The following SLC25A3 variants were observed in gnomAD, a reference collection of about 807,000 sequenced individuals.
SLC25A3 encodes the protein phosphate transport protein.
SLC25A3 carries 14 observed loss-of-function variants against 37.1 expected under a neutral mutation model. The ratio of observed to expected loss-of-function variants is 0.38; its 90% confidence interval spans 0.25 to 0.59. The LOEUF is 0.59. SLC25A3 is among the 20% of genes least tolerant of loss of function. The pLI, the probability that SLC25A3 is intolerant of heterozygous loss-of-function variation, is 0.67. For missense variants in SLC25A3, 385 were observed against 458.1 expected (o/e 0.84, Z 1.46); for synonymous variants, 161 against 168.7 (o/e 0.95, Z 0.36).
At chr12:98,598,158 T>A (rs2097594573) in intron 4 of SLC25A3, 123 bp downstream of exon 4, 2 of 932,040 alleles carry the variant, frequency 2.1e-6, no homozygotes, top group Admixed American at 4.1e-5. Context: ...GTGAGCAACT[T>A]GTTTTAAATC....
At chr12:98,599,656 C>T in intron 5 of SLC25A3, 1 of 578,830 alleles carries the variant, frequency 1.7e-6, no homozygotes. Context: ...TTAGATCCAC[C>T]TTTGTGGATG....
chr12:98,600,732 T>C (rs2097597198), intron 6 of SLC25A3, among the ~76,000 whole-genome samples: 1 of 152,166 alleles, frequency 6.6e-6, no homozygotes, highest in Non-Finnish European at 1.5e-5. Flanking sequence ...AAAGATGGGG[T>C]TTCACCATGT....
intron 2 of SLC25A3, chr12:98,595,382 A>C (rs2153283377): frequency 1.3e-6 from 2 of 1,599,942 alleles, no homozygotes; most frequent in Admixed American, 1.7e-5. Context: ...CAGTGGCCTT[A>C]GTCATCTCTG....
rs934008426 is a variant in SLC25A3, at chr12:98,602,564, C to T, written c.*1036C>T. 2.6e-5 allele frequency: 4 copies of T among 152,114 alleles called. No homozygotes were observed. In the South Asian group the frequency reaches 6.2e-4, roughly 24 times the overall value. 9.4% of individuals were successfully genotyped at this position (152,114 alleles called of 1,614,324 possible). A position where few individuals can be genotyped will look rare whatever the true frequency, so the allele number is the denominator to read the frequency against. The stretch of plus-strand genomic sequence containing the variant: ...TGAATGCCACTGGGGAAAAAGCATT[C>T]CATCATACTTAGATACGAGATTGGA... On this transcript the variant is annotated 3_prime_UTR_variant, in exon 8 of 8. Coordinates refer to ENST00000552981, the MANE Select transcript of SLC25A3 (RefSeq NM_002635.4).
At position 98,603,120 on chromosome 12, in the gene SLC25A3, T is replaced by C. The variant is rs1488694586; in HGVS notation, c.*1592T>C. The C allele has an allele frequency of 6.6e-6, 1 of 152,222 alleles. No individual in the cohort carries two copies. The highest frequency in any genetic ancestry group is 1.5e-5 in the Non-Finnish European group (1 of 68,038). The allele number at this position is 152,222 out of a possible 1,614,324, so 9.4% of individuals were successfully genotyped here. A position where few individuals can be genotyped will look rare whatever the true frequency, so the allele number is the denominator to read the frequency against. ...GTGGTGCTTAGCAGTATCAACTGTA[T>C]ATTATTTCTTGCTATGTTAGCAAAG... On this transcript the variant is annotated 3_prime_UTR_variant, in exon 8 of 8. Transcript: ENST00000552981.
At chr12:98,596,144 A>G (rs2097592809) in intron 3 of SLC25A3, among the ~76,000 whole-genome samples, 1 of 152,218 alleles carries the variant, frequency 6.6e-6, no homozygotes, top group African/African-American at 2.4e-5. Flanking sequence ...TCATTTAACA[A>G]GCACCTATGT....
chr12:98,595,056 G>A (rs2097591805), intron 2 of SLC25A3: 2 of 265,884 alleles, frequency 7.5e-6, no homozygotes, highest in South Asian at 8.5e-5. Context: ...TAGTGGCTGG[G>A]ATAAACTTTG....
intron 4 of SLC25A3, 125 bp downstream of exon 4, chr12:98,598,160 T>G: frequency 1.1e-6 from 1 of 905,160 alleles, no homozygotes; most frequent in South Asian, 1.4e-5. Context: ...GAGCAACTTG[T>G]TTTAAATCGT....
At chr12:98,594,773 A>G (rs748943731) in intron 2 of SLC25A3, 9 of 236,072 alleles carry the variant, frequency 3.8e-5, no homozygotes, top group Non-Finnish European at 6.0e-5. Flanking sequence ...AATCCTAGTG[A>G]AGTATGTACA....
intron 5 of SLC25A3, 189 bp from the exon 6 acceptor site, chr12:98,599,766 T>A: frequency 2.6e-6 from 2 of 773,268 alleles, no homozygotes; most frequent in South Asian, 2.7e-5. Flanking sequence ...TCAAAGGTGC[T>A]TGAGTCATTG....
In SLC25A3 at chr12:98,605,837, G is replaced by A. The variant is rs889182304; in HGVS notation, c.*4309G>A. On this transcript the variant is annotated 3_prime_UTR_variant, in exon 8 of 8. Transcript: ENST00000552981. ...TGTCTGAGGAAGAAATTGTATATCA[G>A]GCTGGGCACAGTGGCTCATACCCGT... 1 of 151,906 alleles carries A rather than the reference G, an allele frequency of 6.6e-6. No homozygotes were observed. Among genetic ancestry groups the A allele is most frequent in the Non-Finnish European group, 1.5e-5 (1 of 68,078 alleles). The allele number at this position is 151,906 out of a possible 1,614,324, so 9.4% of individuals were successfully genotyped here.
In SLC25A3 at chr12:98,601,807, T is replaced by A; in HGVS notation, c.*279T>A. ...ATAAGTTAAGGAAAAAATACAAAAC[T>A]GACCATGACCATTGTTGGTTGAATA... is the stretch of plus-strand genomic sequence containing the variant. On this transcript the variant is annotated 3_prime_UTR_variant, in exon 8 of 8. Coordinates refer to ENST00000552981, the MANE Select transcript of SLC25A3 (RefSeq NM_002635.4). 2.7e-6 allele frequency: 1 copy of A among 365,988 alleles called. No homozygotes were observed. Among genetic ancestry groups the A allele is most frequent in the Non-Finnish European group, 5.0e-6 (1 of 198,704 alleles). 22.7% of individuals were successfully genotyped at this position (365,988 alleles called of 1,614,324 possible).
intron 6 of SLC25A3, 85 bp downstream of exon 6, chr12:98,600,212 C>T (rs2097596615): frequency 6.3e-6 from 6 of 957,254 alleles, no homozygotes; most frequent in African/African-American, 1.6e-5. Context: ...GGGAAAAATA[C>T]TCCAAAGGTT....
At position 98,595,836 on chromosome 12, in the gene SLC25A3, A is replaced by G. The variant is rs772994439; in HGVS notation, c.267A>G (p.Lys89=). The change falls in exon 3 of 8, where the codon AAA becomes AAG. Residue 89 remains lysine, a synonymous_variant. Coordinates refer to ENST00000552981, the MANE Select transcript of SLC25A3 (RefSeq NM_002635.4). Reference sequence around the variant, plus strand: ...CTGTGGTTCCCCTGGATTTAGTGAAATGCCGTATGCAGGTTTGTATTGAGA... The same window carrying G: ...CTGTGGTTCCCCTGGATTTAGTGAAGTGCCGTATGCAGGTTTGTATTGAGA... ...HTAVVPLDLV[K]CRMQVDPQKY... 12 of 1,613,874 alleles carry G rather than the reference A, an allele frequency of 7.4e-6. No homozygotes were observed. The highest frequency in any genetic ancestry group is 1.7e-5 in the Admixed American group (1 of 60,004).
chr12:98,595,336 T>A, intron 2 of SLC25A3: 1 of 1,314,708 alleles, frequency 7.6e-7, no homozygotes, highest in Non-Finnish European at 1.1e-6. Flanking sequence ...TCAGCTGTGA[T>A]AATAGTATCT....
At chr12:98,595,960 C>A in intron 3 of SLC25A3, 112 bp downstream of exon 3, 1 of 966,836 alleles carries the variant, frequency 1.0e-6, no homozygotes, top group Non-Finnish European at 1.7e-6. Flanking sequence ...CAGTAGGAAA[C>A]CACATAGAAT....
chr12:98,598,780 T>G (rs79446092), intron 5 of SLC25A3, 77 bp downstream of exon 5: 1 of 1,379,744 alleles, frequency 7.2e-7, no homozygotes, highest in Non-Finnish European at 1.0e-6. Flanking sequence ...TTTTTTTTTT[T>G]GTTTTGTTTT....
intron 3 of SLC25A3, among the ~76,000 whole-genome samples, chr12:98,596,628 G>A (rs1366821564): frequency 6.6e-6 from 1 of 151,664 alleles, no homozygotes; most frequent in Admixed American, 6.6e-5. Flanking sequence ...AGTTTGTTTA[G>A]TGTTCACAAA....
intron 2 of SLC25A3, chr12:98,595,163 G>T: frequency 2.2e-6 from 1 of 454,494 alleles, no homozygotes. Context: ...TTTGAAGTTT[G>T]ACTTTAATTG....
Sources: gnomAD v4.1 joint callset for allele counts (sites outside exome capture counted in the v4.1 genomes callset) on GRCh38, gnomAD v4.1.1 for gene constraint, MANE v1.5 for transcripts, NCBI Gene and HGNC (gene_info 2026-07-23, HGNC 2026-07-21) for gene names.